Variants in SMCHD1 observed in about 807,000 individuals in gnomAD.
SMCHD1 encodes structural maintenance of chromosomes flexible hinge domain-containing protein 1.
A neutral mutation model predicts 254.7 loss-of-function variants in SMCHD1; 78 were observed. The observed-to-expected ratio is 0.31, with a 90% CI of 0.26 to 0.37. The LOEUF is 0.37. Among genes scored for constraint, SMCHD1 ranks in the 10% least tolerant of loss-of-function variants. SMCHD1 has a pLI of 1.00. For missense variants in SMCHD1, 1,840 were observed against 2,408.1 expected, an observed-to-expected ratio of 0.76 and a Z score of 4.94; for synonymous variants, 766 against 794.9, an observed-to-expected ratio of 0.96 and a Z score of 0.61.
At chr18:2,684,700 A>T (rs375056545) in intron 5 of SMCHD1, among the ~76,000 whole-genome samples, 59 of 115,612 alleles carry the variant, frequency 5.1e-4, no homozygotes, top group South Asian at 1.0e-3. Flanking sequence ...TTGCAGATTC[A>T]GTGTGTGTGT....
At position 2,743,953 on chromosome 18, in the gene SMCHD1, A is replaced by G. The variant is rs760095844; in HGVS notation, c.3801+25A>G. The G allele has an allele frequency of 1.0e-5, 16 of 1,560,030 alleles. 1 individual carries two copies. The South Asian group carries it at 1.4e-4, about 14-fold the overall frequency. ...GGTAAGTCACTTCATGTCTTCACTGAAAGAATTTAATATCATATGGCTTAT... is the reference window on the plus strand; with the variant it reads ...GGTAAGTCACTTCATGTCTTCACTGGAAGAATTTAATATCATATGGCTTAT... On this transcript the variant is annotated intron_variant, in intron 29 of 47. Transcript: ENST00000320876.
At chr18:2,722,190 G>T (rs1167727113) in intron 19 of SMCHD1, among the ~76,000 whole-genome samples, 1 of 152,086 alleles carries the variant, frequency 6.6e-6, no homozygotes, top group African/African-American at 2.4e-5. Context: ...TGGGCATGGT[G>T]GCTCACGCCT....
At chr18:2,776,354 T>TG (rs756785271) in intron 42 of SMCHD1, among the ~76,000 whole-genome samples, 1 of 152,108 alleles carries the variant, frequency 6.6e-6, no homozygotes, top group Non-Finnish European at 1.5e-5. Context: ...CCCAAGTAGC[T>TG]GGGACTACAG....
At chr18:2,722,196 C>T (rs1475780629) in intron 19 of SMCHD1, among the ~76,000 whole-genome samples, 4 of 152,022 alleles carry the variant, frequency 2.6e-5, no homozygotes, top group Non-Finnish European at 5.9e-5. Context: ...TGGTGGCTCA[C>T]GCCTGGGGAG....
chr18:2,798,495 CTG>C (rs1165728026), intron 47 of SMCHD1, among the ~76,000 whole-genome samples: 2 of 152,126 alleles, frequency 1.3e-5, no homozygotes, highest in Non-Finnish European at 2.9e-5. Context: ...CTGCTTGTGA[CTG>C]TGAAAATTTA....
intron 5 of SMCHD1, among the ~76,000 whole-genome samples, chr18:2,687,840 T>C (rs1186699629): frequency 6.6e-6 from 1 of 152,208 alleles, no homozygotes; most frequent in East Asian, 1.9e-4. Flanking sequence ...AGTTTAATAG[T>C]GGTTCCAGCC....
intron 28 of SMCHD1, among the ~76,000 whole-genome samples, chr18:2,741,808 A>C (rs905128836): frequency 6.6e-6 from 1 of 152,108 alleles, no homozygotes; most frequent in African/African-American, 2.4e-5. Flanking sequence ...GTCTTCCTAC[A>C]TCTTCAGTTA....
In SMCHD1 at chr18:2,748,344, G is replaced by C. The variant is rs1196080831; in HGVS notation, c.3927+697G>C. ...AAAAGCTGCTAGTCTTTGCAAAGTT[G>C]TGTGTGTGTGTGTGTGTGTGTGTGT... On this transcript the variant is annotated intron_variant, in intron 30 of 47. Transcript: ENST00000320876. Among the ~76,000 whole-genome samples the C allele has an allele frequency of 3.3e-4, 3 of 9,104 alleles. No homozygotes were observed. The South Asian group carries it at 0.011, about 33-fold the overall frequency. The allele number at this position is 9,104 out of a possible 152,430, so 6.0% of individuals were successfully genotyped here.
intron 17 of SMCHD1, among the ~76,000 whole-genome samples, chr18:2,715,626 G>A (rs957052031): frequency 2.0e-5 from 3 of 152,078 alleles, no homozygotes; most frequent in Non-Finnish European, 4.4e-5. Context: ...GCTGAAGTGG[G>A]AAGATAGCTT....
chr18:2,656,486 C>T (rs2073062239), intron 1 of SMCHD1, among the ~76,000 whole-genome samples: 1 of 152,366 alleles, frequency 6.6e-6, no homozygotes, highest in East Asian at 1.9e-4. Context: ...CCCCGTGGCC[C>T]TCCCTCTGCC....
intron 41 of SMCHD1, among the ~76,000 whole-genome samples, chr18:2,775,097 T>C (rs942763959): frequency 8.7e-5 from 9 of 103,056 alleles, no homozygotes; most frequent in African/African-American, 3.8e-4. Flanking sequence ...TTTTTTTTTT[T>C]TTGGAGACAG....
chr18:2,666,910 G>C lies in SMCHD1; in HGVS notation c.303G>C (p.Gln101His). Residue 101 changes from glutamine (Q) to histidine (H), a missense_variant, in exon 3 of 48, where the codon CAG becomes CAC. Transcript: ENST00000320876. ...VKDGVTLYLLQSVNQLLLTAT... is the reference protein window; with the variant it reads ...VKDGVTLYLLHSVNQLLLTAT... ...ATGGAGTCACCTTATACCTGCTACA[G>C]TCGGTCAATCAGTTACTACTGACAG... 6.2e-7 allele frequency: 1 copy of C among 1,613,422 alleles called. No individual in the cohort carries two copies. Among genetic ancestry groups the C allele is most frequent in the Non-Finnish European group, 8.5e-7 (1 of 1,179,604 alleles).
At chr18:2,750,874 A>G (rs1598403562) in intron 32 of SMCHD1, among the ~76,000 whole-genome samples, 1 of 152,212 alleles carries the variant, frequency 6.6e-6, no homozygotes, top group South Asian at 2.1e-4. Flanking sequence ...AAAGTTTTAA[A>G]TCTATTTCAG....
rs559296285 is a variant in SMCHD1 at position 2,741,631 on chromosome 18, C to T, written c.3633+810C>T. Reference sequence around the variant, plus strand: ...GGAACTTTGAATGATATTTTGTTCCCTCCACAATGATAAAATATGCTCTTT... The same window carrying T: ...GGAACTTTGAATGATATTTTGTTCCTTCCACAATGATAAAATATGCTCTTT... On this transcript the variant is annotated intron_variant, in intron 28 of 47. Coordinates refer to ENST00000320876, the MANE Select transcript of SMCHD1 (RefSeq NM_015295.3). 2.6e-4 allele frequency among the ~76,000 whole-genome samples: 39 copies of T among 152,250 alleles called. 1 individual carries two copies. Among genetic ancestry groups the T allele is most frequent in the Admixed American group, 2.6e-3 (39 of 15,292 alleles).
In SMCHD1 at chr18:2,718,587, A is replaced by T. The variant is rs1018400056; in HGVS notation, c.2458+153A>T. Among the ~76,000 whole-genome samples the T allele has an allele frequency of 1.2e-4, 19 of 152,164 alleles. No homozygotes were observed. The highest frequency in any genetic ancestry group is 4.3e-4 in the African/African-American group (18 of 41,448). ...CTTACTTACTTTGAGATGGGGTCTCATTCTGTCACCCAGGCTGGAGTGCAG... is the reference window on the plus strand; with the variant it reads ...CTTACTTACTTTGAGATGGGGTCTCTTTCTGTCACCCAGGCTGGAGTGCAG... On this transcript the variant is annotated intron_variant, in intron 19 of 47. Coordinates refer to ENST00000320876, the MANE Select transcript of SMCHD1 (RefSeq NM_015295.3). The surrounding 1 kb of genome is among the most constrained non-coding windows in gnomAD (Gnocchi z 4.6).
chr18:2,724,877 A>C, intron 20 of SMCHD1, 22 bp from the exon 21 acceptor site: 1 of 1,484,238 alleles, frequency 6.7e-7, no homozygotes, highest in South Asian at 1.3e-5. Flanking sequence ...AGGGGAGTTA[A>C]AAAATAATTT....
At chr18:2,666,422 A>G (rs558490195) in intron 2 of SMCHD1, among the ~76,000 whole-genome samples, 190 bp downstream of exon 2, 1 of 152,352 alleles carries the variant, frequency 6.6e-6, no homozygotes, top group African/African-American at 2.4e-5. Context: ...TTGATTATAG[A>G]AAAATAGTTG....
intron 30 of SMCHD1, among the ~76,000 whole-genome samples, chr18:2,748,380 G>GTGTGTGTGTGTGTGTGTGTGTATATA (rs561439889): frequency 6.2e-5 from 5 of 80,246 alleles, no homozygotes; most frequent in African/African-American, 3.4e-4. Context: ...GTGTGTGTGT[G>GTGTGTGTGTGTGTGTGTGTGTATATA]TGTATATAAA....
At chr18:2,698,907 G>A (rs993062203) in intron 10 of SMCHD1, among the ~76,000 whole-genome samples, 1 of 151,338 alleles carries the variant, frequency 6.6e-6, no homozygotes, top group Non-Finnish European at 1.5e-5. Flanking sequence ...TTGTAATTTG[G>A]TATCTTTGGG....
Sources: gnomAD v4.1 joint callset for allele counts (sites outside exome capture counted in the v4.1 genomes callset) on GRCh38, gnomAD v4.1.1 for gene constraint, Gnocchi (gnomAD v3.1) non-coding constraint, MANE v1.5 for transcripts, NCBI Gene and HGNC (gene_info 2026-07-23, HGNC 2026-07-21) for gene names.